The following PCDHGA9 variants were observed in gnomAD, a reference collection of about 807,000 sequenced individuals.
PCDHGA9 encodes the protein protocadherin gamma subfamily A, 9.
A neutral mutation model predicts 62.5 loss-of-function variants in PCDHGA9; 37 were observed. That is an observed-to-expected ratio of 0.59 (90% CI 0.46 to 0.78). PCDHGA9 has a LOEUF of 0.78. PCDHGA9 is among the 30% of genes least tolerant of loss of function. The pLI, the probability that PCDHGA9 is intolerant of heterozygous loss-of-function variation, is 0.00. For synonymous variants in PCDHGA9, 459 were observed against 484.6 expected, an observed-to-expected ratio of 0.95 and a Z score of 0.69; for missense variants, 1,138 against 1,166.2, an observed-to-expected ratio of 0.98 and a Z score of 0.35.
rs2099623857 is a variant in PCDHGA9, at chr5:141,486,060, A to ACC, written c.2425-8744_2425-8743dup. On this transcript the variant is annotated intron_variant, in intron 1 of 3. Transcript: ENST00000573521. This position sits in a 1 kb window ranked among gnomAD's most constrained non-coding sequence, Gnocchi z 5.0. Reference sequence around the variant, plus strand: ...CGTGTAAGAAACCTCTTTAGCCTGCACCCCACTACTGGAAAGCTTACTCTT... The same window carrying ACC: ...CGTGTAAGAAACCTCTTTAGCCTGCACCCCCCACTACTGGAAAGCTTACTCTT... The ACC allele has an allele frequency of 1.2e-6, 2 of 1,613,980 alleles. No homozygotes were observed. The highest frequency in any genetic ancestry group is 1.7e-6 in the Non-Finnish European group (2 of 1,179,980).
chr5:141,477,536 G>T lies in PCDHGA9; in HGVS notation c.2425-17271G>T. 1.2e-6 allele frequency: 2 copies of T among 1,614,076 alleles called. No homozygotes were observed. Among genetic ancestry groups the T allele is most frequent in the Non-Finnish European group, 1.7e-6 (2 of 1,180,018 alleles). ...CATTGAAGAAAACAACCTCCCCGGG[G>T]CTCCAATACTAAACCTAAGTGTCTG... On this transcript the variant is annotated intron_variant, in intron 1 of 3. Coordinates refer to ENST00000573521, the MANE Select transcript of PCDHGA9 (RefSeq NM_018921.3). The surrounding 1 kb of genome is among the most constrained non-coding windows in gnomAD (Gnocchi z 4.9).
At chr5:141,409,290 G>A in intron 1 of PCDHGA9, 1 of 1,613,974 alleles carries the variant, frequency 6.2e-7, no homozygotes. Context: ...TCACCTCCAG[G>A]AATGGTTGTT....
At chr5:141,433,422 A>G (rs1172678396) in intron 1 of PCDHGA9, among the ~76,000 whole-genome samples, 1 of 150,646 alleles carries the variant, frequency 6.6e-6, no homozygotes, top group Admixed American at 6.6e-5. Context: ...TCTTGTACAG[A>G]CAGGAGTCTC....
In PCDHGA9 at chr5:141,485,125, G is replaced by A. The variant is rs776015544; in HGVS notation, c.2425-9682G>A. 7.1e-7 allele frequency: 1 copy of A among 1,412,160 alleles called. No homozygotes were observed. The highest frequency in any genetic ancestry group is 1.2e-5 in the South Asian group (1 of 81,022). The allele number at this position is 1,412,160 out of a possible 1,614,324, so 87.5% of individuals were successfully genotyped here. On this transcript the variant is annotated intron_variant, in intron 1 of 3. Transcript: ENST00000573521. This position sits in a 1 kb window ranked among gnomAD's most constrained non-coding sequence, Gnocchi z 5.7. ...CTGCTGTGGCTGTTTGGGGCGGGTC[G>A]GCTTCATCCGCGTCTCAGGAGCAAG... is the stretch of plus-strand genomic sequence containing the variant.
At position 141,489,437 on chromosome 5, in the gene PCDHGA9, T is replaced by C; in HGVS notation, c.2425-5370T>C. The C allele has an allele frequency of 6.2e-7, 1 of 1,614,110 alleles. No individual in the cohort carries two copies. Among genetic ancestry groups the C allele is most frequent in the Non-Finnish European group, 8.5e-7 (1 of 1,180,020 alleles). ...GATCTGTTGAGCCGGCGGCTGCAATTGGGCTCTGAGGAGAATGGGCGCTAT... is the reference window on the plus strand; with the variant it reads ...GATCTGTTGAGCCGGCGGCTGCAATCGGGCTCTGAGGAGAATGGGCGCTAT... On this transcript the variant is annotated intron_variant, in intron 1 of 3. Transcript: ENST00000573521. This position sits in a 1 kb window ranked among gnomAD's most constrained non-coding sequence, Gnocchi z 4.5.
chr5:141,412,020 C>G (rs1158851404), intron 1 of PCDHGA9: 1 of 145,358 alleles, frequency 6.9e-6, no homozygotes, highest in Non-Finnish European at 1.5e-5. Context: ...TCTGAACATC[C>G]TGTTCTCTGT....
At chr5:141,409,381 G>T (rs1258881607) in intron 1 of PCDHGA9, 1 of 1,614,018 alleles carries the variant, frequency 6.2e-7, no homozygotes, top group Admixed American at 1.7e-5. Context: ...TTCCATTCAA[G>T]ATTTATTCTT....
At chr5:141,502,024 C>G (rs2099812413) in intron 2 of PCDHGA9, among the ~76,000 whole-genome samples, 1 of 152,152 alleles carries the variant, frequency 6.6e-6, no homozygotes, top group African/African-American at 2.4e-5. Context: ...TCCCTGCAAC[C>G]CCCGCCGCTT....
chr5:141,455,162 T>G (rs1002208156), intron 1 of PCDHGA9, among the ~76,000 whole-genome samples: 5 of 150,972 alleles, frequency 3.3e-5, no homozygotes, highest in African/African-American at 7.3e-5. Context: ...GTTTGTTGGT[T>G]TTTTTTTTAG....
intron 1 of PCDHGA9, chr5:141,418,458 T>C: frequency 6.2e-7 from 1 of 1,614,010 alleles, no homozygotes; most frequent in African/African-American, 1.3e-5. Context: ...CAGAAGACTC[T>C]GGACCGAGAA....
intron 1 of PCDHGA9, among the ~76,000 whole-genome samples, chr5:141,453,517 C>A (rs1001603927): frequency 1.3e-5 from 2 of 152,062 alleles, no homozygotes; most frequent in African/African-American, 4.8e-5. Flanking sequence ...TCATTCCTCC[C>A]CTATACCTTC....
intron 1 of PCDHGA9, 58 bp from the exon 2 acceptor site, chr5:141,494,749 G>A (rs573811540): frequency 2.9e-5 from 47 of 1,612,698 alleles, no homozygotes; most frequent in Non-Finnish European, 3.6e-5. Flanking sequence ...CTAGGGGCTC[G>A]GGTGACATTC....
intron 1 of PCDHGA9, chr5:141,411,324 C>T (rs1171274674): frequency 1.3e-5 from 2 of 152,166 alleles, no homozygotes; most frequent in Admixed American, 6.5e-5. Context: ...AATCACAGCA[C>T]TTTGATAGGC....
At chr5:141,421,222 C>T in intron 1 of PCDHGA9, 1 of 1,576,946 alleles carries the variant, frequency 6.3e-7, no homozygotes, top group Non-Finnish European at 8.6e-7. Flanking sequence ...CGGCTTAGAG[C>T]CTGCCATGGC....
chr5:141,415,119 G>A, intron 1 of PCDHGA9: 1 of 1,613,666 alleles, frequency 6.2e-7, no homozygotes, highest in African/African-American at 1.3e-5. Flanking sequence ...GCCTCGTAGT[G>A]GCCGTCCAGG....
intron 1 of PCDHGA9, among the ~76,000 whole-genome samples, chr5:141,451,403 G>A (rs2154563571): frequency 6.6e-6 from 1 of 152,288 alleles, no homozygotes; most frequent in South Asian, 2.1e-4. Context: ...GCAAAATTAA[G>A]TTCCTTGTGG....
At chr5:141,504,462 G>A (rs1375731108) in intron 2 of PCDHGA9, among the ~76,000 whole-genome samples, 5 of 152,074 alleles carry the variant, frequency 3.3e-5, no homozygotes, top group African/African-American at 9.7e-5. Flanking sequence ...TGGGGCAGCC[G>A]CTGGGATGGG....
At chr5:141,429,571 A>G (rs1221285032) in intron 1 of PCDHGA9, among the ~76,000 whole-genome samples, 2 of 152,156 alleles carry the variant, frequency 1.3e-5, no homozygotes, top group Non-Finnish European at 2.9e-5. Flanking sequence ...ATTCAGTTAC[A>G]TTTACTTTTG....
chr5:141,422,549 TGAA>T (rs1554114956), intron 1 of PCDHGA9: 8 of 1,614,026 alleles, frequency 5.0e-6, no homozygotes, highest in Non-Finnish European at 6.8e-6. Flanking sequence ...CATGTCTGGC[TGAA>T]TGTGGCAGAT....
Sources: gnomAD v4.1 joint callset for allele counts (sites outside exome capture counted in the v4.1 genomes callset) on GRCh38, gnomAD v4.1.1 for gene constraint, Gnocchi (gnomAD v3.1) non-coding constraint, MANE v1.5 for transcripts, NCBI Gene and HGNC (gene_info 2026-07-23, HGNC 2026-07-21) for gene names.